FGF14: variants seen among roughly 807,000 people sequenced by gnomAD.
The protein encoded by FGF14 is fibroblast growth factor homologous factor 4.
Under a neutral mutation model 25.5 loss-of-function variants are expected in FGF14, and 5 were observed. The observed-to-expected ratio is 0.20, with a 90% CI of 0.10 to 0.41. FGF14 has a LOEUF of 0.41. FGF14 is among the 10% of genes least tolerant of loss of function. The probability of loss-of-function intolerance (pLI) is 1.00; values close to 1 mark genes in which losing one functional copy is unlikely to be tolerated. For missense variants in FGF14, 222 were observed against 320.1 expected (o/e 0.69, Z 2.34); for synonymous variants, 138 against 118.3 (o/e 1.17, Z -1.08).
intron 3 of FGF14, among the ~76,000 whole-genome samples, chr13:101,861,704 C>T (rs748429477): frequency 6.6e-6 from 1 of 151,986 alleles, no homozygotes; most frequent in Non-Finnish European, 1.5e-5. Context: ...TCACACAGAA[C>T]CCCTGCCCCC....
intron 3 of FGF14, among the ~76,000 whole-genome samples, chr13:101,826,836 T>C (rs902754472): frequency 2.0e-5 from 3 of 152,016 alleles, no homozygotes; most frequent in African/African-American, 4.8e-5. Context: ...GAGAATTGAA[T>C]TGAGCAATGC....
intron 1 of FGF14, among the ~76,000 whole-genome samples, chr13:102,100,822 G>A (rs2044625741): frequency 1.3e-5 from 2 of 152,182 alleles, no homozygotes; most frequent in Admixed American, 1.3e-4. Context: ...AAGTGAGGCT[G>A]GGCACGGTGG....
intron 1 of FGF14, among the ~76,000 whole-genome samples, chr13:102,115,605 T>G (rs749963989): frequency 6.6e-6 from 1 of 152,138 alleles, no homozygotes; most frequent in Non-Finnish European, 1.5e-5. Context: ...AAGTTTCCTA[T>G]GGATTCCGGA....
At chr13:101,951,300 C>T (rs767997781) in intron 1 of FGF14, among the ~76,000 whole-genome samples, 14 of 152,016 alleles carry the variant, frequency 9.2e-5, no homozygotes, top group Non-Finnish European at 1.5e-4. Flanking sequence ...ATTAGCAATA[C>T]GGGCACAAGT....
chr13:101,723,997 A>G (rs139193052), intron 4 of FGF14, among the ~76,000 whole-genome samples: 133 of 152,254 alleles, frequency 8.7e-4, no homozygotes, highest in African/African-American at 3.0e-3. Context: ...TGTGGCCTTT[A>G]GTATCAATGC....
intron 1 of FGF14, among the ~76,000 whole-genome samples, chr13:102,218,186 T>C (rs2050456218): frequency 6.6e-6 from 1 of 151,996 alleles, no homozygotes; most frequent in Non-Finnish European, 1.5e-5. Context: ...AGATCTTTCA[T>C]CAAATCCGTA....
chr13:102,036,507 G>A (rs922846675), intron 1 of FGF14, among the ~76,000 whole-genome samples: 3 of 152,104 alleles, frequency 2.0e-5, no homozygotes, highest in African/African-American at 7.2e-5. Flanking sequence ...AATCTGGGTT[G>A]GTTGTGGTGA....
chr13:101,812,147 C>T (rs768449007), intron 3 of FGF14, among the ~76,000 whole-genome samples: 1 of 152,074 alleles, frequency 6.6e-6, no homozygotes, highest in Non-Finnish European at 1.5e-5. Flanking sequence ...TGTCATTCTT[C>T]CCCATTAGAG....
rs1166858252 is a variant in FGF14 at position 102,255,279 on chromosome 13, C to T, written c.208+146192G>A. On this transcript the variant is annotated intron_variant, in intron 1 of 4. Transcript: ENST00000376131. ...CCAGAAGGGAAATCCAAATGTCCAA[C>T]CATCTTTCGGTATCAAGTACAGTGA... 5.9e-5 allele frequency among the ~76,000 whole-genome samples: 9 copies of T among 152,312 alleles called. No homozygotes were observed. The South Asian group carries it at 8.3e-4, about 14-fold the overall frequency.
intron 1 of FGF14, among the ~76,000 whole-genome samples, chr13:102,167,792 CTCT>C (rs1382881017): frequency 8.7e-6 from 1 of 115,026 alleles, no homozygotes; most frequent in Non-Finnish European, 1.9e-5. Context: ...GGCATGCTAG[CTCT>C]TTTTTTTTTT....
intron 1 of FGF14, among the ~76,000 whole-genome samples, chr13:102,276,332 C>T (rs1309843802): frequency 9.2e-6 from 1 of 108,462 alleles, no homozygotes; most frequent in Admixed American, 9.1e-5. Context: ...CACACACGTA[C>T]GTGTGTGTGT....
At chr13:102,091,313 TTCTC>T (rs2044155148) in intron 1 of FGF14, among the ~76,000 whole-genome samples, 1 of 152,134 alleles carries the variant, frequency 6.6e-6, no homozygotes, top group Non-Finnish European at 1.5e-5. Context: ...CTTGCCAAGA[TTCTC>T]TCTGTTAGGA....
intron 1 of FGF14, among the ~76,000 whole-genome samples, chr13:101,942,217 C>T (rs897129215): frequency 6.6e-6 from 1 of 152,154 alleles, no homozygotes; most frequent in Non-Finnish European, 1.5e-5. Context: ...GTGCAATTAT[C>T]TGATTTGCCA....
rs2043748484 is a variant in FGF14 at position 101,850,500 on chromosome 13, AT to A, written c.408+18224del. Reference sequence around the variant, plus strand: ...TATATATATATATATATATATATATATATATATATATATAGAATTATATATT... The same window carrying A: ...TATATATATATATATATATATATATAATATATATATATAGAATTATATATT... On this transcript the variant is annotated intron_variant, in intron 3 of 4. Transcript: ENST00000376143. Among the ~76,000 whole-genome samples the A allele has an allele frequency of 1.1e-3, 2 of 1,828 alleles. 1 individual carries two copies. Among genetic ancestry groups the A allele is most frequent in the Non-Finnish European group, 2.6e-3 (2 of 774 alleles). The allele number at this position is 1,828 out of a possible 152,430, so 1.2% of individuals were successfully genotyped here.
rs6491647 is a variant in FGF14, at chr13:101,821,010, T to G, written c.408+47715A>C. Among the ~76,000 whole-genome samples the G allele has an allele frequency of 6.9e-3, 991 of 143,160 alleles. 31 individuals carry two copies. In the East Asian group the frequency reaches 0.082, roughly 12 times the overall value. The allele number at this position is 143,160 out of a possible 152,430, so 93.9% of individuals were successfully genotyped here. On this transcript the variant is annotated intron_variant, in intron 3 of 4. Transcript: ENST00000376143. ...TCGCCCAGGCTGGAGTGCAGTGGCA[T>G]GATCTCGGCTCACTGCAGGCTCCGC...
chr13:102,167,312 CAAA>C (rs10689114), intron 1 of FGF14, among the ~76,000 whole-genome samples: 3 of 72,776 alleles, frequency 4.1e-5, no homozygotes, highest in Non-Finnish European at 8.0e-5. Context: ...CACTCCATCT[CAAA>C]AAAAAAAAAA....
intron 1 of FGF14, among the ~76,000 whole-genome samples, chr13:102,127,488 C>G (rs527871629): frequency 1.3e-4 from 19 of 147,458 alleles, no homozygotes; most frequent in Non-Finnish European, 1.2e-4. Context: ...ATGATGTTAA[C>G]TCTTCTTATT....
intron 1 of FGF14, among the ~76,000 whole-genome samples, chr13:102,055,288 T>C (rs1374418870): frequency 1.3e-5 from 2 of 152,228 alleles, no homozygotes; most frequent in South Asian, 4.1e-4. Flanking sequence ...TCCCTGTGCC[T>C]GACATGCCTT....
intron 1 of FGF14, among the ~76,000 whole-genome samples, chr13:101,893,137 A>T (rs946847914): frequency 6.6e-6 from 1 of 152,070 alleles, no homozygotes; most frequent in Non-Finnish European, 1.5e-5. Flanking sequence ...GGGAGGCAGG[A>T]TGGTAGGATT....
Sources: allele counts gnomAD v4.1 joint callset (sites outside exome capture counted in the v4.1 genomes callset), GRCh38; gene constraint gnomAD v4.1.1; transcripts MANE v1.5; gene names NCBI Gene and HGNC (gene_info 2026-07-23, HGNC 2026-07-21).